Variants in BACH2 observed in about 807,000 individuals in gnomAD.
BACH2 encodes BACH transcriptional regulator 2, also known as transcription regulator protein BACH2.
A neutral mutation model predicts 61.8 loss-of-function variants in BACH2; 5 were observed. That is an observed-to-expected ratio of 0.08 (90% CI 0.04 to 0.17). BACH2 has a LOEUF of 0.17. Among genes scored for constraint, BACH2 ranks in the 10% least tolerant of loss-of-function variants. BACH2 has a pLI of 1.00. For synonymous variants in BACH2, 446 were observed against 440.1 expected (o/e 1.01, Z -0.17); for missense variants, 824 against 1,091.1 (o/e 0.76, Z 3.45).
At chr6:90,240,343 G>A (rs1770409160) in intron 3 of BACH2, among the ~76,000 whole-genome samples, 1 of 152,102 alleles carries the variant, frequency 6.6e-6, no homozygotes, top group African/African-American at 2.4e-5. Context: ...AGTGAAGAAT[G>A]CTACTATGTT....
At chr6:90,128,763 A>G (rs1209063908) in intron 4 of BACH2, among the ~76,000 whole-genome samples, 5 of 152,196 alleles carry the variant, frequency 3.3e-5, no homozygotes, top group East Asian at 1.9e-4. Flanking sequence ...ACATGCACAC[A>G]TATGTTTATT....
rs80096882 is a variant in BACH2 at position 89,993,015 on chromosome 6, A to ACT, written c.243+15585_243+15586dup. Among the ~76,000 whole-genome samples, 1,163 of 152,294 alleles carry ACT rather than the reference A, an allele frequency of 7.6e-3. 24 individuals are homozygous for ACT. In the East Asian group the frequency reaches 0.079, roughly 10 times the overall value. On this transcript the variant is annotated intron_variant, in intron 6 of 8. Transcript: ENST00000257749. ...TTATAAGAAGGAGAGACACCAGAGC[A>ACT]CTGTCCACACACGCACAGAGGAAAG...
chr6:90,227,437 TCA>T (rs1769953223), intron 3 of BACH2, among the ~76,000 whole-genome samples: 1 of 152,230 alleles, frequency 6.6e-6, no homozygotes, highest in African/African-American at 2.4e-5. Flanking sequence ...TTAGGAAATA[TCA>T]GAGGAAAACA....
chr6:90,189,530 C>T (rs1350381479), intron 4 of BACH2, among the ~76,000 whole-genome samples: 4 of 150,370 alleles, frequency 2.7e-5, no homozygotes, highest in South Asian at 2.1e-4. Context: ...ATGGCGTGAA[C>T]CCGGGAAGCG....
chr6:89,947,783 G>T (rs1034138607), intron 7 of BACH2, among the ~76,000 whole-genome samples: 1 of 151,982 alleles, frequency 6.6e-6, no homozygotes, highest in Non-Finnish European at 1.5e-5. Context: ...GTGTTAGCCA[G>T]GATGGTCTCG....
intron 5 of BACH2, among the ~76,000 whole-genome samples, chr6:90,028,966 A>G (rs968596839): frequency 1.3e-5 from 2 of 152,208 alleles, no homozygotes; most frequent in African/African-American, 4.8e-5. Context: ...CACCAATTTA[A>G]CATATAGTAA....
chr6:90,186,610 G>A (rs1484038251), intron 4 of BACH2, among the ~76,000 whole-genome samples: 1 of 152,158 alleles, frequency 6.6e-6, no homozygotes, highest in Non-Finnish European at 1.5e-5. Flanking sequence ...CAGGAAATGT[G>A]AAATCCCAAG....
chr6:90,094,522 T>G (rs2127809314), intron 4 of BACH2, among the ~76,000 whole-genome samples: 1 of 152,320 alleles, frequency 6.6e-6, no homozygotes, highest in East Asian at 1.9e-4. Context: ...TCTTCCTACC[T>G]TATTGGGATC....
intron 5 of BACH2, among the ~76,000 whole-genome samples, chr6:90,031,229 A>C (rs1472794181): frequency 6.6e-6 from 1 of 152,092 alleles, no homozygotes; most frequent in African/African-American, 2.4e-5. Flanking sequence ...TATCTATGAC[A>C]AACCCACAGC....
chr6:89,928,790 A>G lies in BACH2; in HGVS notation c.*3618T>C, dbSNP rs1217841302. 1.3e-5 allele frequency: 2 copies of G among 152,826 alleles called. No individual in the cohort carries two copies. The highest frequency in any genetic ancestry group is 2.1e-4 in the South Asian group (1 of 4,832). 9.5% of individuals were successfully genotyped at this position (152,826 alleles called of 1,614,324 possible). A position where few individuals can be genotyped will look rare whatever the true frequency, so the allele number is the denominator to read the frequency against. ...CACACAGAGTCAGGTTTTCCACTGC[A>G]GCATCATCTCTGATGCCTGAGTCAT... On this transcript the variant is annotated 3_prime_UTR_variant, in exon 9 of 9. Coordinates refer to ENST00000257749, the MANE Select transcript of BACH2 (RefSeq NM_021813.4).
At chr6:90,103,643 TTTTG>T (rs1782774418) in intron 4 of BACH2, among the ~76,000 whole-genome samples, 1 of 152,118 alleles carries the variant, frequency 6.6e-6, no homozygotes, top group South Asian at 2.1e-4. Context: ...GGTGATGCTT[TTTTG>T]TTTGCTTTTT....
Position 90,205,315 on chromosome 6 carries a change from G to A in BACH2, c.-162+1254C>T, listed in dbSNP as rs544631806. On this transcript the variant is annotated intron_variant, in intron 4 of 8. Coordinates refer to ENST00000257749, the MANE Select transcript of BACH2 (RefSeq NM_021813.4). ...AACACACCTGTTTTTGTAGGCTCCGGAAACAACTCTCCCCTGTTTTAAATC... is the reference window on the plus strand; with the variant it reads ...AACACACCTGTTTTTGTAGGCTCCGAAAACAACTCTCCCCTGTTTTAAATC... 4.6e-5 allele frequency among the ~76,000 whole-genome samples: 7 copies of A among 152,302 alleles called. No individual in the cohort carries two copies. The South Asian group carries it at 1.2e-3, about 27-fold the overall frequency.
chr6:90,014,529 A>G (rs1468821319), intron 5 of BACH2, among the ~76,000 whole-genome samples: 17 of 124,998 alleles, frequency 1.4e-4, no homozygotes, highest in African/African-American at 5.3e-4. Flanking sequence ...GTTGGAGTGC[A>G]GTGGTGCAAT....
intron 5 of BACH2, among the ~76,000 whole-genome samples, chr6:90,043,976 T>G (rs143293261): frequency 6.6e-6 from 1 of 152,316 alleles, no homozygotes; most frequent in Non-Finnish European, 1.5e-5. Context: ...AGATGGCTAC[T>G]CAATAAGTGT....
chr6:89,932,273 T>C lies in BACH2; in HGVS notation c.*135A>G, dbSNP rs1772698320. 8.6e-7 allele frequency: 1 copy of C among 1,166,254 alleles called. No homozygotes were observed. Among genetic ancestry groups the C allele is most frequent in the South Asian group, 1.5e-5 (1 of 68,486 alleles). 72.2% of individuals were successfully genotyped at this position (1,166,254 alleles called of 1,614,324 possible). On this transcript the variant is annotated 3_prime_UTR_variant, in exon 9 of 9. Transcript: ENST00000257749. ...GAGGAGAGGATACTTCGGAACAGTA[T>C]TGCTGCTAAGACCGCTGTAGTGTGC...
chr6:89,973,315 A>C lies in BACH2; in HGVS notation c.244-21453T>G, dbSNP rs142960894. Among the ~76,000 whole-genome samples, 375 of 152,360 alleles carry C rather than the reference A, an allele frequency of 2.5e-3. 3 individuals carry two copies. The highest frequency in any genetic ancestry group is 8.1e-3 in the African/African-American group (336 of 41,592). On this transcript the variant is annotated intron_variant, in intron 6 of 8. Coordinates refer to ENST00000257749, the MANE Select transcript of BACH2 (RefSeq NM_021813.4). ...AGATGAGCTAGTATAATGTGAGATG[A>C]TGCTGCATACAGCCATGGTCAGAAA...
At chr6:90,188,735 T>G (rs1228705660) in intron 4 of BACH2, among the ~76,000 whole-genome samples, 1 of 119,900 alleles carries the variant, frequency 8.3e-6, no homozygotes, top group Non-Finnish European at 1.6e-5. Context: ...ACCAATCTAG[T>G]AATAAGGTCT....
intron 3 of BACH2, among the ~76,000 whole-genome samples, chr6:90,213,215 T>G (rs1582492687): frequency 6.6e-6 from 1 of 152,200 alleles, no homozygotes; most frequent in East Asian, 1.9e-4. Context: ...AGTCTGCTAC[T>G]CAGCTCTAGC....
chr6:90,239,533 T>C (rs1770367247), intron 3 of BACH2, among the ~76,000 whole-genome samples: 1 of 152,158 alleles, frequency 6.6e-6, no homozygotes. Flanking sequence ...TGTAAGGTGT[T>C]ATAGGAGGAT....
Sources: gnomAD v4.1 joint callset for allele counts (sites outside exome capture counted in the v4.1 genomes callset) on GRCh38, gnomAD v4.1.1 for gene constraint, MANE v1.5 for transcripts, NCBI Gene and HGNC (gene_info 2026-07-23, HGNC 2026-07-21) for gene names.